RSU1: variants seen among roughly 807,000 people sequenced by gnomAD.
RSU1 encodes the protein rsu-1.
A neutral mutation model predicts 31.1 loss-of-function variants in RSU1; 26 were observed. The observed-to-expected ratio is 0.84, with a 90% CI of 0.61 to 1.16. The LOEUF (loss-of-function observed/expected upper bound fraction) is 1.16. RSU1 is among the 50% of genes most tolerant of loss of function. The pLI is 0.00. For missense variants in RSU1, 320 were observed against 339.1 expected, an observed-to-expected ratio of 0.94 and a Z score of 0.44; for synonymous variants, 164 against 136.3, an observed-to-expected ratio of 1.20 and a Z score of -1.41.
At chr10:16,634,758 T>C (rs887900686) in intron 8 of RSU1, among the ~76,000 whole-genome samples, 2 of 152,238 alleles carry the variant, frequency 1.3e-5, no homozygotes, top group Non-Finnish European at 2.9e-5. Context: ...TTACCTCAAT[T>C]ACCTAAGGAA....
intron 3 of RSU1, among the ~76,000 whole-genome samples, chr10:16,775,837 CTG>C (rs1246271643): frequency 6.6e-6 from 1 of 152,088 alleles, no homozygotes; most frequent in African/African-American, 2.4e-5. Flanking sequence ...GAGAAGCAAA[CTG>C]ATAAATGTGC....
intron 8 of RSU1, among the ~76,000 whole-genome samples, chr10:16,603,578 A>G (rs914474264): frequency 2.0e-5 from 3 of 152,242 alleles, no homozygotes; most frequent in African/African-American, 4.8e-5. Context: ...AGAAAAATCA[A>G]TAACTGCACC....
rs150643063 is a variant in RSU1, at chr10:16,753,540, G to A, written c.401-540C>T. Among the ~76,000 whole-genome samples, 19 of 152,260 alleles carry A rather than the reference G, an allele frequency of 1.2e-4. No individual in the cohort carries two copies. In the East Asian group the frequency reaches 2.9e-3, roughly 23 times the overall value. ...CCATAATCTGACTAATTATTACTAC[G>A]TGTTTCTACAGCCTTAAGGACAAAA... On this transcript the variant is annotated intron_variant, in intron 5 of 8. Coordinates refer to ENST00000345264, the MANE Select transcript of RSU1 (RefSeq NM_012425.4).
At chr10:16,677,185 A>G (rs1421285176) in intron 8 of RSU1, among the ~76,000 whole-genome samples, 3 of 152,214 alleles carry the variant, frequency 2.0e-5, no homozygotes, top group Non-Finnish European at 4.4e-5. Flanking sequence ...ATGGAAAATG[A>G]GACAACGTTC....
chr10:16,724,188 C>T (rs1396414101), intron 7 of RSU1, among the ~76,000 whole-genome samples: 7 of 152,162 alleles, frequency 4.6e-5, no homozygotes, highest in Non-Finnish European at 1.0e-4. Flanking sequence ...GGTAATTTGC[C>T]TGCCTTCGCC....
In RSU1 at chr10:16,817,373, T is replaced by A; in HGVS notation, c.-62A>T. ...AACCACAAGCTTCGGCAGAACGCAC[T>A]CCAGCTGCCCTCACTCCCTGCAACA... On this transcript the variant is annotated 5_prime_UTR_variant, in exon 1 of 9. Coordinates refer to ENST00000345264, the MANE Select transcript of RSU1 (RefSeq NM_012425.4). 5.2e-6 allele frequency: 2 copies of A among 386,320 alleles called. No homozygotes were observed. The highest frequency in any genetic ancestry group is 5.9e-5 in the South Asian group (2 of 34,186). 23.9% of individuals were successfully genotyped at this position (386,320 alleles called of 1,614,324 possible).
At chr10:16,638,401 G>C (rs1249482784) in intron 8 of RSU1, among the ~76,000 whole-genome samples, 1 of 152,158 alleles carries the variant, frequency 6.6e-6, no homozygotes, top group Non-Finnish European at 1.5e-5. Flanking sequence ...GGCCTCAAAA[G>C]ACTTTGCAGA....
chr10:16,691,937 C>T (rs1835563120), intron 8 of RSU1, among the ~76,000 whole-genome samples: 1 of 151,930 alleles, frequency 6.6e-6, no homozygotes, highest in Non-Finnish European at 1.5e-5. Flanking sequence ...TGGGGTTTCA[C>T]CATGTTGGAA....
chr10:16,764,453 T>C lies in RSU1; in HGVS notation c.218A>G (p.Asn73Ser). 2 of 1,614,034 alleles carry C rather than the reference T, an allele frequency of 1.2e-6. No individual in the cohort carries two copies. The highest frequency in any genetic ancestry group is 1.7e-6 in the Non-Finnish European group (2 of 1,179,994). Residue 73 changes from asparagine (N) to serine (S), a missense_variant, in exon 4 of 9, where the codon AAC (asparagine) becomes AGC (serine). Asn to Ser is a conservative substitution (Grantham distance 46). Transcript: ENST00000345264. ...KNLEVLNFFNNQIEELPTQIS... is the reference protein window; with the variant it reads ...KNLEVLNFFNSQIEELPTQIS... ...CTGTGTGGGCAGCTCCTCGATTTGG[T>C]TATTAAAAAAGTTGAGCACCTCCAA...
intron 7 of RSU1, among the ~76,000 whole-genome samples, chr10:16,723,622 AC>A (rs1363646564): frequency 2.0e-5 from 3 of 152,180 alleles, no homozygotes; most frequent in Non-Finnish European, 4.4e-5. Context: ...ACTATAGTTT[AC>A]CCCCTCTGGT....
intron 8 of RSU1, among the ~76,000 whole-genome samples, chr10:16,627,652 G>C (rs983402436): frequency 3.3e-5 from 5 of 151,622 alleles, no homozygotes; most frequent in African/African-American, 1.2e-4. Flanking sequence ...AGCTACTCAG[G>C]AGGCTGAGGC....
chr10:16,755,250 G>A (rs1223452698), intron 4 of RSU1, among the ~76,000 whole-genome samples: 1 of 152,026 alleles, frequency 6.6e-6, no homozygotes, highest in East Asian at 1.9e-4. Flanking sequence ...AGCCTCCCAA[G>A]TAACTGGGAC....
At chr10:16,697,141 G>A (rs1401177367) in intron 7 of RSU1, among the ~76,000 whole-genome samples, 1 of 152,150 alleles carries the variant, frequency 6.6e-6, no homozygotes, top group Non-Finnish European at 1.5e-5. Flanking sequence ...GGCAGGACTA[G>A]TAAGGGAAGG....
intron 2 of RSU1, among the ~76,000 whole-genome samples, chr10:16,788,859 C>T (rs947381020): frequency 1.3e-5 from 2 of 152,148 alleles, no homozygotes; most frequent in African/African-American, 2.4e-5. Flanking sequence ...TCTGGGTGAC[C>T]ACGTGCCAGC....
chr10:16,652,896 T>A (rs1035903238), intron 8 of RSU1, among the ~76,000 whole-genome samples: 20 of 151,860 alleles, frequency 1.3e-4, no homozygotes, highest in Non-Finnish European at 4.4e-5. Flanking sequence ...CCAGGCTGGT[T>A]TGAAACTCTT....
intron 8 of RSU1, among the ~76,000 whole-genome samples, chr10:16,613,499 C>T (rs901179760): frequency 2.6e-5 from 4 of 152,186 alleles, no homozygotes; most frequent in African/African-American, 7.2e-5. Flanking sequence ...TGAGCCTGGG[C>T]ATCTTTCGTT....
At chr10:16,600,419 G>A (rs1048769082) in intron 8 of RSU1, among the ~76,000 whole-genome samples, 3 of 152,136 alleles carry the variant, frequency 2.0e-5, no homozygotes, top group African/African-American at 7.2e-5. Flanking sequence ...CAAGCTCCGT[G>A]CAACTGACCA....
At chr10:16,608,633 A>T (rs1302660143) in intron 8 of RSU1, among the ~76,000 whole-genome samples, 1 of 152,156 alleles carries the variant, frequency 6.6e-6, no homozygotes, top group Non-Finnish European at 1.5e-5. Flanking sequence ...GGTATTTAGG[A>T]GCAAGTGAAC....
intron 2 of RSU1, among the ~76,000 whole-genome samples, chr10:16,794,705 A>G (rs1395767154): frequency 6.6e-6 from 1 of 152,228 alleles, no homozygotes. Context: ...CAGATTCTAA[A>G]TCTTGAGCTT....
Sources: gnomAD v4.1 joint callset for allele counts (sites outside exome capture counted in the v4.1 genomes callset) on GRCh38, gnomAD v4.1.1 for gene constraint, MANE v1.5 for transcripts, NCBI Gene and HGNC (gene_info 2026-07-23, HGNC 2026-07-21) for gene names.